Variants in FRYL observed in about 807,000 individuals in gnomAD.
FRYL encodes protein furry homolog-like.
FRYL carries 150 observed loss-of-function variants against 351.2 expected under a neutral mutation model. The observed-to-expected ratio is 0.43, with a 90% CI of 0.37 to 0.49. The LOEUF (loss-of-function observed/expected upper bound fraction) is 0.49, where lower values mean the gene tolerates loss of function less well. FRYL is among the 20% of genes least tolerant of loss of function. The pLI, the probability that FRYL is intolerant of heterozygous loss-of-function variation, is 0.00. For synonymous variants in FRYL, 1,153 were observed against 1,257.1 expected (o/e 0.92, Z 1.75); for missense variants, 3,036 against 3,619.3 (o/e 0.84, Z 4.13).
At chr4:48,556,764 G>A (rs1042313598) in intron 35 of FRYL, among the ~76,000 whole-genome samples, 5 of 151,954 alleles carry the variant, frequency 3.3e-5, no homozygotes, top group African/African-American at 1.2e-4. Flanking sequence ...CCATCAGATT[G>A]TAATACCCAG....
intron 3 of FRYL, among the ~76,000 whole-genome samples, chr4:48,676,163 C>T (rs112861641): frequency 0.011 from 1,641 of 152,282 alleles, 34 homozygotes; most frequent in African/African-American, 0.038. Flanking sequence ...GCAGGCTGCC[C>T]CAGCCAGCAT....
Position 48,681,982 on chromosome 4 carries a change from T to C in FRYL, c.-81+2691A>G, listed in dbSNP as rs530038926. Among the ~76,000 whole-genome samples the C allele has an allele frequency of 9.9e-5, 15 of 152,272 alleles. 1 individual carries two copies. Among genetic ancestry groups the C allele is most frequent in the Admixed American group, 3.9e-4 (6 of 15,290 alleles). On this transcript the variant is annotated intron_variant, in intron 3 of 63. Transcript: ENST00000358350. ...AATAAAGGAATACCTACAAAAGACT[T>C]TGAAAACTGAAAGTTCTCTCCCTTC...
chr4:48,612,840 T>A (rs555653668), intron 7 of FRYL, among the ~76,000 whole-genome samples: 21 of 152,180 alleles, frequency 1.4e-4, no homozygotes, highest in African/African-American at 4.8e-4. Context: ...CCACTTGCCT[T>A]GGCCTCCCAA....
chr4:48,497,443 G>A lies in FRYL; in HGVS notation c.*1979C>T, dbSNP rs1197350506. On this transcript the variant is annotated 3_prime_UTR_variant, in exon 64 of 64. Transcript: ENST00000358350. ...CACAAAAAGCAAATATCAACTGAAA[G>A]GTTTGGTTGGGTAGTCAACTAATTT... The A allele has an allele frequency of 1.3e-5, 2 of 152,578 alleles. No individual in the cohort carries two copies. The highest frequency in any genetic ancestry group is 4.8e-5 in the African/African-American group (2 of 41,444). 9.5% of individuals were successfully genotyped at this position (152,578 alleles called of 1,614,324 possible). A position where few individuals can be genotyped will look rare whatever the true frequency, so the allele number is the denominator to read the frequency against.
intron 1 of FRYL, among the ~76,000 whole-genome samples, chr4:48,764,989 C>T (rs1286936505): frequency 2.0e-5 from 3 of 152,090 alleles, no homozygotes; most frequent in African/African-American, 2.4e-5. Flanking sequence ...GGATTACAGG[C>T]GCACACCACC....
chr4:48,712,509 G>A (rs570951012), intron 1 of FRYL, among the ~76,000 whole-genome samples: 2 of 152,254 alleles, frequency 1.3e-5, no homozygotes, highest in South Asian at 4.1e-4. Flanking sequence ...GAGAAGGGAA[G>A]TTTAGAGAAA....
intron 1 of FRYL, among the ~76,000 whole-genome samples, chr4:48,713,828 G>A (rs1768412571): frequency 6.6e-6 from 1 of 152,052 alleles, no homozygotes; most frequent in African/African-American, 2.4e-5. Context: ...ATTTTTTTCA[G>A]CACCACACCA....
At chr4:48,663,658 C>T (rs1761210487) in intron 3 of FRYL, among the ~76,000 whole-genome samples, 1 of 150,872 alleles carries the variant, frequency 6.6e-6, no homozygotes, top group Non-Finnish European at 1.5e-5. Context: ...GCCTGTAGTC[C>T]CAGCTACTCG....
chr4:48,656,924 TTC>T (rs1759351175), intron 3 of FRYL, among the ~76,000 whole-genome samples: 1 of 152,096 alleles, frequency 6.6e-6, no homozygotes, highest in African/African-American at 2.4e-5. Context: ...CAGAGCCTCA[TTC>T]TCTCAACTCA....
intron 59 of FRYL, chr4:48,506,274 C>G (rs915848548): frequency 6.6e-6 from 1 of 151,826 alleles, no homozygotes; most frequent in Non-Finnish European, 1.5e-5. Flanking sequence ...TGGCTCCTGC[C>G]TGTAATCCCA....
chr4:48,603,574 G>C (rs1333230855), intron 11 of FRYL, among the ~76,000 whole-genome samples, 186 bp from the exon 12 acceptor site: 1 of 152,180 alleles, frequency 6.6e-6, no homozygotes, highest in African/African-American at 2.4e-5. Context: ...CCAGCCCTGA[G>C]TGAACAAAGT....
At chr4:48,672,681 A>G (rs1210751423) in intron 3 of FRYL, among the ~76,000 whole-genome samples, 1 of 152,130 alleles carries the variant, frequency 6.6e-6, no homozygotes, top group Non-Finnish European at 1.5e-5. Flanking sequence ...CTTTTTTATC[A>G]CTTCTGAATT....
In FRYL at chr4:48,535,958, C is replaced by A. The variant is rs765753851; in HGVS notation, c.6394-131G>T. 4.5e-5 allele frequency: 30 copies of A among 669,180 alleles called. No homozygotes were observed. The East Asian group carries it at 7.9e-4, about 18-fold the overall frequency. The allele number at this position is 669,180 out of a possible 1,614,324, so 41.5% of individuals were successfully genotyped here. On this transcript the variant is annotated intron_variant, in intron 47 of 63. Transcript: ENST00000358350. ...GGTTTTAATGCATTTTACTTCAATA[C>A]GTTAGAAAAGTGAAACGAGAAAAAA... is the stretch of plus-strand genomic sequence containing the variant.
At position 48,739,421 on chromosome 4, in the gene FRYL, A is replaced by AAAAT. The variant is rs56312141; in HGVS notation, c.-383-28724_-383-28723insATTT. ...GTCTCAAAAAAAAAAAAAAAAAAAAACAACTAATCTTTGAAAATGGAGCAA... is the reference window on the plus strand; with the variant it reads ...GTCTCAAAAAAAAAAAAAAAAAAAAAAAATCAACTAATCTTTGAAAATGGAGCAA... On this transcript the variant is annotated intron_variant, in intron 1 of 63. Transcript: ENST00000358350. 1.4e-4 allele frequency among the ~76,000 whole-genome samples: 16 copies of AAAAT among 117,098 alleles called. 2 individuals carry two copies. Among genetic ancestry groups the AAAAT allele is most frequent in the East Asian group, 5.1e-4 (2 of 3,900 alleles). The allele number at this position is 117,098 out of a possible 152,430, so 76.8% of individuals were successfully genotyped here. A position where few individuals can be genotyped will look rare whatever the true frequency, so the allele number is the denominator to read the frequency against.
intron 53 of FRYL, 57 bp downstream of exon 53, chr4:48,527,420 C>G: frequency 7.1e-7 from 1 of 1,412,328 alleles, no homozygotes. Context: ...GTGATCAAAT[C>G]CTTAATTCTC....
chr4:48,724,990 C>T (rs1769924130), intron 1 of FRYL, among the ~76,000 whole-genome samples: 1 of 152,146 alleles, frequency 6.6e-6, no homozygotes, highest in African/African-American at 2.4e-5. Context: ...AAAGGAGAAG[C>T]AATATTCAGA....
chr4:48,655,870 T>C (rs1758784745), intron 3 of FRYL, among the ~76,000 whole-genome samples: 1 of 141,624 alleles, frequency 7.1e-6, no homozygotes, highest in African/African-American at 2.5e-5. Flanking sequence ...CATACATATA[T>C]ACACATACAT....
intron 2 of FRYL, among the ~76,000 whole-genome samples, chr4:48,687,492 C>CGGGGGGGG (rs561805370): frequency 7.5e-4 from 35 of 46,580 alleles, no homozygotes; most frequent in South Asian, 2.0e-3. Flanking sequence ...CAAATGAGGT[C>CGGGGGGGG]GGGGGGGGGG....
At chr4:48,554,317 T>C (rs1171854403) in intron 35 of FRYL, among the ~76,000 whole-genome samples, 2 of 152,086 alleles carry the variant, frequency 1.3e-5, no homozygotes, top group Non-Finnish European at 2.9e-5. Context: ...TCTTAAAACA[T>C]GATTTATTAT....
Sources: allele counts gnomAD v4.1 joint callset (sites outside exome capture counted in the v4.1 genomes callset), GRCh38; gene constraint gnomAD v4.1.1; transcripts MANE v1.5; gene names NCBI Gene and HGNC (gene_info 2026-07-23, HGNC 2026-07-21).